NBAS: variants seen among roughly 807,000 people sequenced by gnomAD.
NBAS encodes the protein NAG/BC035112 fusion.
A neutral mutation model predicts 302.5 loss-of-function variants in NBAS; 219 were observed. The ratio of observed to expected loss-of-function variants is 0.72; its 90% CI spans 0.65 to 0.81. The LOEUF is 0.81. NBAS is among the 30% of genes least tolerant of loss of function. The pLI is 0.00. For synonymous variants in NBAS, 1,118 were observed against 1,021.6 expected (o/e 1.09, Z -1.80); for missense variants, 2,932 against 2,841.6 (o/e 1.03, Z -0.72).
chr2:15,445,136 C>G (rs896288032), intron 21 of NBAS, among the ~76,000 whole-genome samples: 1 of 151,414 alleles, frequency 6.6e-6, no homozygotes, highest in Non-Finnish European at 1.5e-5. Flanking sequence ...ACCATTTGAC[C>G]CAGCCATCCC....
At chr2:15,038,563 C>T in the NBAS span, among the ~76,000 whole-genome samples, 2 of 152,212 alleles carry the variant, frequency 1.3e-5, no homozygotes, top group East Asian at 1.9e-4. Flanking sequence ...GCACCAGCCA[C>T]AGACATCTGC....
the NBAS span, among the ~76,000 whole-genome samples, chr2:15,038,870 T>G: frequency 6.6e-6 from 1 of 152,204 alleles, no homozygotes; most frequent in Non-Finnish European, 1.5e-5. Context: ...ACAATTATCT[T>G]AACCAATTAC....
chr2:15,145,187 A>G, the NBAS span, among the ~76,000 whole-genome samples: 1 of 152,128 alleles, frequency 6.6e-6, no homozygotes, highest in East Asian at 1.9e-4. Context: ...TGGTACACAT[A>G]CCAGTGACAT....
At chr2:15,443,175 G>C (rs76418977) in intron 21 of NBAS, among the ~76,000 whole-genome samples, 91,902 of 151,722 alleles carry the variant, frequency 0.61, 28,817 homozygotes, top group Non-Finnish European at 0.68. Context: ...CATCCTGATA[G>C]CAAAGCTGGG....
At chr2:14,968,047 T>C in the NBAS span, among the ~76,000 whole-genome samples, 3 of 152,162 alleles carry the variant, frequency 2.0e-5, no homozygotes, top group Non-Finnish European at 4.4e-5. Flanking sequence ...TCTTCTTTCC[T>C]ACTCTCTCGG....
rs1003546510 is a variant in NBAS at position 15,190,391 on chromosome 2, C to T, written c.6445G>A (p.Asp2149Asn). The change falls in exon 49 of 52, where the codon GAC (aspartate) becomes AAC (asparagine). Residue 2149 changes from aspartate (D) to asparagine (N), a missense_variant. Transcript: ENST00000281513. ...TAGCGGTTCTCTTCATTCTCAATGT[C>T]AGCTATGTCTACCTGGAAGAAGAAA... is the stretch of plus-strand genomic sequence containing the variant. ...SWPQRQVDIA[D>N]IENEENRYCL... 5.0e-6 allele frequency: 8 copies of T among 1,613,816 alleles called. No homozygotes were observed. Among genetic ancestry groups the T allele is most frequent in the Non-Finnish European group, 6.8e-6 (8 of 1,179,908 alleles).
the NBAS span, among the ~76,000 whole-genome samples, chr2:15,158,082 C>G: frequency 6.6e-6 from 1 of 152,152 alleles, no homozygotes; most frequent in Admixed American, 6.5e-5. Flanking sequence ...GCAAGGCCAT[C>G]CCGTGCACTG....
chr2:15,047,675 C>T, the NBAS span, among the ~76,000 whole-genome samples: 1 of 152,084 alleles, frequency 6.6e-6, no homozygotes. Context: ...TGGGCTCATG[C>T]AGGTAAAAGC....
intron 35 of NBAS, among the ~76,000 whole-genome samples, chr2:15,337,563 T>C (rs1227414566): frequency 1.3e-5 from 2 of 152,182 alleles, no homozygotes. Flanking sequence ...TCCAAATGGA[T>C]GGGCTAGCTC....
At chr2:15,296,398 C>T (rs936199653) in intron 40 of NBAS, among the ~76,000 whole-genome samples, 2 of 152,088 alleles carry the variant, frequency 1.3e-5, no homozygotes, top group East Asian at 1.9e-4. Flanking sequence ...AAAAATTAGC[C>T]GGGTGTGGTG....
downstream of NBAS, among the ~76,000 whole-genome samples, chr2:15,166,585 CAT>C (rs770684308): frequency 1.3e-5 from 2 of 152,110 alleles, 1 homozygote; most frequent in African/African-American, 4.8e-5. Flanking sequence ...ACAAAATAGA[CAT>C]AGGTTCAAAG....
At chr2:15,050,083 G>A in the NBAS span, among the ~76,000 whole-genome samples, 2 of 152,116 alleles carry the variant, frequency 1.3e-5, no homozygotes, top group African/African-American at 4.8e-5. Context: ...CCTCAGTTGT[G>A]TCACCTGTGA....
intron 21 of NBAS, among the ~76,000 whole-genome samples, chr2:15,432,009 C>T (rs1020211144): frequency 6.6e-6 from 1 of 151,580 alleles, no homozygotes; most frequent in African/African-American, 2.4e-5. Flanking sequence ...TCAGAGAAAA[C>T]CCTTTTCATG....
At chr2:15,451,766 CCTTCAGGTTGGATA>C (rs1200236759) in intron 21 of NBAS, among the ~76,000 whole-genome samples, 57 of 152,058 alleles carry the variant, frequency 3.7e-4, no homozygotes, top group African/African-American at 1.4e-3. Flanking sequence ...CTAGAAGTTC[CCTTCAGGTTGGATA>C]CTCTCTTTAT....
chr2:15,052,596 A>C, the NBAS span, among the ~76,000 whole-genome samples: 10 of 152,168 alleles, frequency 6.6e-5, no homozygotes, highest in African/African-American at 2.2e-4. Context: ...AAGAAACTAC[A>C]TGTGTCCAGA....
At chr2:14,960,246 C>T in the NBAS span, among the ~76,000 whole-genome samples, 4 of 152,202 alleles carry the variant, frequency 2.6e-5, no homozygotes, top group Non-Finnish European at 4.4e-5. Context: ...TGTAGCACAG[C>T]GTTTCATCCA....
At position 15,218,825 on chromosome 2, in the gene NBAS, A is replaced by G. The variant is rs1247239490; in HGVS notation, c.6380T>C (p.Leu2127Pro). Residue 2127 changes from leucine (L) to proline (P), a missense_variant, in exon 48 of 52, where the codon CTC becomes CCC. Transcript: ENST00000281513. ...FHLTEEDSKLLVFFRTEAILK... is the reference protein window; with the variant it reads ...FHLTEEDSKLPVFFRTEAILK... ...AATGGCTTCAGTTCTAAAGAACACG[A>G]GGAGCTTGCTGTCCTCCTCAGTCAG... The G allele has an allele frequency of 1.2e-6, 2 of 1,614,130 alleles. No individual in the cohort carries two copies. The highest frequency in any genetic ancestry group is 2.7e-5 in the African/African-American group (2 of 74,938).
chr2:14,876,771 T>A, the NBAS span, among the ~76,000 whole-genome samples: 2 of 152,244 alleles, frequency 1.3e-5, no homozygotes, highest in Non-Finnish European at 2.9e-5. Context: ...GGCTGATCAT[T>A]CTTTTACAGA....
chr2:15,003,695 T>C, the NBAS span, among the ~76,000 whole-genome samples: 2 of 152,336 alleles, frequency 1.3e-5, no homozygotes, highest in South Asian at 4.1e-4. Flanking sequence ...AAGAGATCTC[T>C]GAGCTCTTCT....
Sources: gnomAD v4.1 joint callset for allele counts (sites outside exome capture counted in the v4.1 genomes callset) on GRCh38, gnomAD v4.1.1 for gene constraint, MANE v1.5 for transcripts, NCBI Gene and HGNC (gene_info 2026-07-23, HGNC 2026-07-21) for gene names.